TEAD1: variants seen among roughly 807,000 people sequenced by gnomAD.
TEAD1 encodes TEA domain transcription factor 1.
In TEAD1, 9 loss-of-function variants were observed where a neutral mutation model predicts 54.9. That is an observed-to-expected ratio of 0.16 (90% CI 0.10 to 0.29). The LOEUF is 0.29. Among genes scored for constraint, TEAD1 ranks in the 10% least tolerant of loss-of-function variants. The pLI is 1.00. For synonymous variants in TEAD1, 200 were observed against 187.8 expected (o/e 1.07, Z -0.53); for missense variants, 387 against 535.9 (o/e 0.72, Z 2.74).
intron 3 of TEAD1, among the ~76,000 whole-genome samples, chr11:12,783,687 C>G (rs969615950): frequency 6.6e-6 from 1 of 152,142 alleles, no homozygotes; most frequent in African/African-American, 2.4e-5. Context: ...GTCTTAACCA[C>G]TAGGCTGAAT....
intron 3 of TEAD1, among the ~76,000 whole-genome samples, chr11:12,770,675 C>G (rs1291810075): frequency 6.6e-6 from 1 of 152,144 alleles, no homozygotes; most frequent in African/African-American, 2.4e-5. Flanking sequence ...CTTGAGGTCA[C>G]ATAGTAAATA....
intron 2 of TEAD1, among the ~76,000 whole-genome samples, chr11:12,719,947 A>ATT (rs1564917562): frequency 1.7e-5 from 1 of 59,754 alleles, no homozygotes; most frequent in African/African-American, 4.2e-5. Flanking sequence ...TGGAAATCTA[A>ATT]TGTTTTTTTT....
intron 2 of TEAD1, among the ~76,000 whole-genome samples, chr11:12,678,972 A>AC (rs759484454): frequency 6.6e-6 from 1 of 152,194 alleles, no homozygotes. Context: ...GATGTTTCTT[A>AC]CAAGGGTAGG....
chr11:12,719,140 G>A (rs948458598), intron 2 of TEAD1, among the ~76,000 whole-genome samples: 1 of 151,704 alleles, frequency 6.6e-6, no homozygotes, highest in Non-Finnish European at 1.5e-5. Context: ...TCCTGGCTTG[G>A]GTCATTCCCA....
intron 3 of TEAD1, among the ~76,000 whole-genome samples, chr11:12,777,125 T>C (rs1945441227): frequency 6.6e-6 from 1 of 152,062 alleles, no homozygotes; most frequent in African/African-American, 2.4e-5. Context: ...CTTGTGTCAA[T>C]GTACTCTCCT....
chr11:12,925,235 C>A (rs925251726), intron 11 of TEAD1, among the ~76,000 whole-genome samples, 183 bp downstream of exon 11: 2 of 152,188 alleles, frequency 1.3e-5, no homozygotes, highest in African/African-American at 2.4e-5. Flanking sequence ...AAAGATGTTT[C>A]ATTGACTCAC....
intron 2 of TEAD1, among the ~76,000 whole-genome samples, chr11:12,753,725 G>A (rs1944925999): frequency 6.6e-6 from 1 of 152,162 alleles, no homozygotes; most frequent in South Asian, 2.1e-4. Context: ...TTTCAAGAAA[G>A]CGAGTTCTGA....
intron 3 of TEAD1, among the ~76,000 whole-genome samples, chr11:12,826,826 C>T (rs867670692): frequency 2.0e-5 from 3 of 152,226 alleles, no homozygotes; most frequent in African/African-American, 2.4e-5. Flanking sequence ...AGGGCTCAGA[C>T]TCTAGAGGTT....
intron 3 of TEAD1, among the ~76,000 whole-genome samples, chr11:12,840,435 A>G (rs968316778): frequency 2.0e-5 from 3 of 152,070 alleles, no homozygotes; most frequent in African/African-American, 4.8e-5. Flanking sequence ...GTGCTGGTAA[A>G]TATAACCTCC....
chr11:12,912,536 G>T (rs1948634976), intron 10 of TEAD1, among the ~76,000 whole-genome samples: 1 of 152,102 alleles, frequency 6.6e-6, no homozygotes, highest in African/African-American at 2.4e-5. Flanking sequence ...GGCCACTGGG[G>T]CTTACCGAAC....
intron 2 of TEAD1, among the ~76,000 whole-genome samples, chr11:12,719,528 C>T (rs570360632): frequency 6.8e-6 from 1 of 146,344 alleles, no homozygotes; most frequent in African/African-American, 2.5e-5. Flanking sequence ...AGATGACTTT[C>T]CAGCACATTG....
chr11:12,864,662 C>A (rs1350944747), intron 4 of TEAD1, 176 bp from the exon 5 acceptor site: 4 of 996,778 alleles, frequency 4.0e-6, no homozygotes, highest in East Asian at 6.3e-5. Context: ...GTTTTGTTTC[C>A]CCTCATAAAC....
chr11:12,693,334 A>C (rs994397690), intron 2 of TEAD1, among the ~76,000 whole-genome samples: 6 of 152,210 alleles, frequency 3.9e-5, no homozygotes, highest in Non-Finnish European at 7.3e-5. Context: ...ATGAGTTCCA[A>C]TGCGAGTCCT....
chr11:12,764,321 A>T lies in TEAD1; in HGVS notation c.89A>T (p.Asp30Val), dbSNP rs1434440049. 6.2e-7 allele frequency: 1 copy of T among 1,614,238 alleles called. No homozygotes were observed. Among genetic ancestry groups the T allele is most frequent in the Non-Finnish European group, 8.5e-7 (1 of 1,180,038 alleles). The stretch of plus-strand genomic sequence containing the variant: ...TCTGCAGATAAGCCAATTGACAATG[A>T]TGCAGAAGGGGTCTGGAGCCCCGAC... The change falls in exon 3 of 13, where the codon GAT becomes GTT. Residue 30 changes from aspartate to valine, a missense_variant. Coordinates refer to ENST00000527636, the MANE Select transcript of TEAD1 (RefSeq NM_021961.6).
At chr11:12,759,344 T>C (rs1945054953) in intron 2 of TEAD1, among the ~76,000 whole-genome samples, 1 of 151,740 alleles carries the variant, frequency 6.6e-6, no homozygotes, top group African/African-American at 2.4e-5. Context: ...ATCTCCACTG[T>C]ACTCATGTTA....
rs1211806091 is a variant in TEAD1, at chr11:12,766,181, G to A, written c.202+1747G>A. Among the ~76,000 whole-genome samples the A allele has an allele frequency of 1.5e-3, 230 of 152,334 alleles. 1 individual carries two copies. Among genetic ancestry groups the A allele is most frequent in the Non-Finnish European group, 1.2e-4 (8 of 68,034 alleles). On this transcript the variant is annotated intron_variant, in intron 3 of 12. Coordinates refer to ENST00000527636, the MANE Select transcript of TEAD1 (RefSeq NM_021961.6). ...CACAGGAAATACTGGGAAAGGTCCT[G>A]TCCTTTCAGGAATAAGGTTTTGGGG... is the stretch of plus-strand genomic sequence containing the variant.
At chr11:12,793,527 A>G (rs534183927) in intron 3 of TEAD1, among the ~76,000 whole-genome samples, 68 of 152,198 alleles carry the variant, frequency 4.5e-4, no homozygotes, top group African/African-American at 1.6e-3. Flanking sequence ...CTTTCATACA[A>G]TATTGTTTAA....
At chr11:12,727,094 G>T (rs2133873598) in intron 2 of TEAD1, among the ~76,000 whole-genome samples, 1 of 151,650 alleles carries the variant, frequency 6.6e-6, no homozygotes, top group South Asian at 2.1e-4. Flanking sequence ...ACAAAAATCA[G>T]CTGGACGTGG....
chr11:12,677,244 C>G (rs1943115129), intron 2 of TEAD1, among the ~76,000 whole-genome samples: 1 of 151,876 alleles, frequency 6.6e-6, no homozygotes. Flanking sequence ...GAGGACATCC[C>G]AATTTAGTTT....
Sources: allele counts gnomAD v4.1 joint callset (sites outside exome capture counted in the v4.1 genomes callset), GRCh38; gene constraint gnomAD v4.1.1; transcripts MANE v1.5; gene names NCBI Gene and HGNC (gene_info 2026-07-23, HGNC 2026-07-21).